Variants in KNDC1 observed in about 807,000 individuals in gnomAD.
KNDC1 encodes kinase non-catalytic C-lobe domain containing 1.
Under a neutral mutation model 172.8 loss-of-function variants are expected in KNDC1, and 106 were observed. The ratio of observed to expected loss-of-function variants is 0.61; its 90% CI spans 0.52 to 0.72. The LOEUF is 0.72. Ranked by LOEUF, KNDC1 falls within the 30% of genes least tolerant of loss-of-function variation. The pLI is 0.00. For missense variants in KNDC1, 2,325 were observed against 2,394.5 expected (o/e 0.97, Z 0.61); for synonymous variants, 1,083 against 1,062.2 (o/e 1.02, Z -0.38).
intron 6 of KNDC1, among the ~76,000 whole-genome samples, chr10:133,187,816 C>T (rs1403055908): frequency 6.6e-6 from 1 of 152,190 alleles, no homozygotes; most frequent in African/African-American, 2.4e-5. Flanking sequence ...GAGCACAGCT[C>T]AGCGGCATTG....
chr10:133,161,774 C>T (rs7908399), intron 1 of KNDC1, among the ~76,000 whole-genome samples: 29,533 of 152,120 alleles, frequency 0.19, 3,290 homozygotes, highest in East Asian at 0.47. Flanking sequence ...AGAAACGCCC[C>T]AGGACACATC....
chr10:133,182,496 A>G (rs1226761347), intron 3 of KNDC1, among the ~76,000 whole-genome samples: 1 of 151,934 alleles, frequency 6.6e-6, no homozygotes, highest in Non-Finnish European at 1.5e-5. Flanking sequence ...GGCCCCAGGC[A>G]GGTTCCTGAG....
rs548656806 is a variant in KNDC1 at position 133,177,891 on chromosome 10, G to A, written c.361-5453G>A. 3.1e-5 allele frequency among the ~76,000 whole-genome samples: 3 copies of A among 95,806 alleles called. No homozygotes were observed. In the East Asian group the frequency reaches 8.3e-4, roughly 26 times the overall value. 62.9% of individuals were successfully genotyped at this position (95,806 alleles called of 152,430 possible). A position where few individuals can be genotyped will look rare whatever the true frequency, so the allele number is the denominator to read the frequency against. On this transcript the variant is annotated intron_variant, in intron 3 of 29. Coordinates refer to ENST00000304613, the MANE Select transcript of KNDC1 (RefSeq NM_152643.8). The stretch of plus-strand genomic sequence containing the variant: ...GTGTGTAGCATGGTGTGTGTGTAGT[G>A]TGCATGTGTGTGCAGTGTGTGTGTG...
intron 16 of KNDC1, among the ~76,000 whole-genome samples, chr10:133,200,781 G>A (rs1415464179): frequency 1.3e-5 from 2 of 152,240 alleles, no homozygotes; most frequent in Non-Finnish European, 2.9e-5. Flanking sequence ...TGGGACAGTG[G>A]GAGCCGCCGG....
intron 26 of KNDC1, among the ~76,000 whole-genome samples, chr10:133,215,157 C>T (rs1004979071): frequency 2.0e-5 from 3 of 152,218 alleles, no homozygotes; most frequent in East Asian, 1.9e-4. Context: ...CCTCCTGGGC[C>T]GGAGCTCTCT....
intron 29 of KNDC1, among the ~76,000 whole-genome samples, chr10:133,223,975 C>T (rs1188936233): frequency 9.5e-5 from 12 of 126,380 alleles, no homozygotes; most frequent in African/African-American, 3.8e-4. Context: ...ATGCTCTTCC[C>T]GGCGTGTGTG....
Position 133,186,285 on chromosome 10 carries a change from T to A in KNDC1, c.937T>A (p.Ser313Thr). The change falls in exon 6 of 30, where the codon TCC (serine) becomes ACC (threonine). Residue 313 changes from serine (S) to threonine (T), a missense_variant. Coordinates refer to ENST00000304613, the MANE Select transcript of KNDC1 (RefSeq NM_152643.8). ...RKVQTFPRLLSDSPEATLCLP... is the reference protein window; with the variant it reads ...RKVQTFPRLLTDSPEATLCLP... ...GGTGCAGACGTTCCCTAGGCTGCTG[T>A]CCGACAGCCCCGAGGCCACCCTCTG... 6.2e-7 allele frequency: 1 copy of A among 1,610,836 alleles called. No individual in the cohort carries two copies. Among genetic ancestry groups the A allele is most frequent in the African/African-American group, 1.3e-5 (1 of 75,008 alleles).
chr10:133,188,762 G>GC (rs890906134), intron 7 of KNDC1, 109 bp downstream of exon 7: 19 of 533,962 alleles, frequency 3.6e-5, no homozygotes, highest in African/African-American at 2.0e-4. Flanking sequence ...ACCGTCCCAC[G>GC]CCCCCCCACT....
At chr10:133,183,226 C>A in intron 3 of KNDC1, 118 bp from the exon 4 acceptor site, 1 of 1,252,884 alleles carries the variant, frequency 8.0e-7, no homozygotes, top group Non-Finnish European at 1.1e-6. Flanking sequence ...GTGCTGCTTC[C>A]CCTCAGGGGA....
chr10:133,186,535 C>G lies in KNDC1; in HGVS notation c.1187C>G (p.Pro396Arg), dbSNP rs775007849. ...GGGGTGCCCGGCAGTCCAGGACAGC[C>G]CGAGACTTCACACCCCAGCCAGGGG... ...GPGVPGSPGQPETSHPSQGPA... is the reference protein window; with the variant it reads ...GPGVPGSPGQRETSHPSQGPA... The change falls in exon 6 of 30, where the codon CCC becomes CGC. Residue 396 changes from proline to arginine, a missense_variant. Transcript: ENST00000304613. 6.2e-7 allele frequency: 1 copy of G among 1,611,832 alleles called. No homozygotes were observed. Among genetic ancestry groups the G allele is most frequent in the Admixed American group, 1.7e-5 (1 of 60,000 alleles).
At position 133,160,618 on chromosome 10, in the gene KNDC1, G is replaced by A. The variant is rs373736572; in HGVS notation, c.102+49G>A. The A allele has an allele frequency of 5.1e-4, 695 of 1,354,510 alleles. 1 individual carries two copies. The highest frequency in any genetic ancestry group is 6.4e-4 in the Non-Finnish European group (637 of 991,634). The allele number at this position is 1,354,510 out of a possible 1,614,324, so 83.9% of individuals were successfully genotyped here. The stretch of plus-strand genomic sequence containing the variant: ...GGCCCCTTCCGCCGCCGAGGGGTCC[G>A]CGGAGAGCGCCCGGGGGGAGGACCC... On this transcript the variant is annotated intron_variant, in intron 1 of 29. Transcript: ENST00000304613.
intron 29 of KNDC1, among the ~76,000 whole-genome samples, chr10:133,221,764 T>G (rs1045157983): frequency 2.8e-4 from 42 of 152,328 alleles, no homozygotes; most frequent in African/African-American, 9.6e-4. Flanking sequence ...AAAACCCATG[T>G]CAGCAAAAGA....
intron 8 of KNDC1, 30 bp downstream of exon 8, chr10:133,189,699 T>C (rs1489379156): frequency 1.2e-6 from 2 of 1,613,680 alleles, no homozygotes; most frequent in African/African-American, 1.3e-5. Flanking sequence ...TCAGGCCGAG[T>C]CCAGCACCGG....
At chr10:133,221,070 G>A (rs1845577297) in intron 29 of KNDC1, among the ~76,000 whole-genome samples, 1 of 152,026 alleles carries the variant, frequency 6.6e-6, no homozygotes, top group African/African-American at 2.4e-5. Context: ...CACTCCCCGT[G>A]GTCTCTAGGG....
chr10:133,196,323 C>G (rs1258870856), intron 10 of KNDC1, among the ~76,000 whole-genome samples: 6 of 152,180 alleles, frequency 3.9e-5, no homozygotes, highest in African/African-American at 1.4e-4. Flanking sequence ...CTGCTGGGAC[C>G]TGCACCCGCA....
At position 133,209,326 on chromosome 10, in the gene KNDC1, G is replaced by A. The variant is rs774866631; in HGVS notation, c.3795-1285G>A. ...TGTGGGGTACAGTGTGTGTGTGCAC[G>A]TGTGTGCTGTGCGGTGTGGGGTATA... On this transcript the variant is annotated intron_variant, in intron 20 of 29. Transcript: ENST00000304613. The surrounding 1 kb of genome is among the most constrained non-coding windows in gnomAD (Gnocchi z 4.9). 2.6e-5 allele frequency among the ~76,000 whole-genome samples: 4 copies of A among 151,220 alleles called. No individual in the cohort carries two copies. Among genetic ancestry groups the A allele is most frequent in the Non-Finnish European group, 5.9e-5 (4 of 67,802 alleles).
chr10:133,184,439 ACT>A (rs1564883058), intron 5 of KNDC1, among the ~76,000 whole-genome samples: 4 of 152,154 alleles, frequency 2.6e-5, no homozygotes, highest in African/African-American at 4.8e-5. Context: ...GATCACACAA[ACT>A]CACGTATTCA....
At chr10:133,204,432 C>T (rs937029992) in intron 17 of KNDC1, among the ~76,000 whole-genome samples, 3 of 152,136 alleles carry the variant, frequency 2.0e-5, no homozygotes, top group African/African-American at 4.8e-5. Context: ...TGGGTGGCAG[C>T]GGGGTCCGGA....
intron 19 of KNDC1, 84 bp downstream of exon 19, chr10:133,207,037 C>T (rs748421868): frequency 5.2e-6 from 8 of 1,537,420 alleles, no homozygotes; most frequent in East Asian, 2.3e-5. Flanking sequence ...TAAATCTGTC[C>T]GTGTGAAGTT....
Sources: allele counts gnomAD v4.1 joint callset (sites outside exome capture counted in the v4.1 genomes callset), GRCh38; gene constraint gnomAD v4.1.1; non-coding constraint Gnocchi (gnomAD v3.1); transcripts MANE v1.5; gene names NCBI Gene and HGNC (gene_info 2026-07-23, HGNC 2026-07-21).